Variants in ITPA observed in about 807,000 individuals in gnomAD.
ITPA encodes the protein inosine triphosphatase.
ITPA carries 29 observed loss-of-function variants against 29.6 expected under a neutral mutation model. The ratio of observed to expected loss-of-function variants is 0.98; its 90% confidence interval spans 0.73 to 1.34. The LOEUF (loss-of-function observed/expected upper bound fraction) is 1.34, where lower values mean the gene tolerates loss of function less well. Among genes scored for constraint, ITPA ranks in the 40% most tolerant of loss-of-function variants. The pLI is 0.00. For missense variants in ITPA, 241 were observed against 251.5 expected (o/e 0.96, Z 0.28); for synonymous variants, 103 against 99.3 (o/e 1.04, Z -0.22).
chr20:3,222,285 T>C (rs2067485279), intron 7 of ITPA, among the ~76,000 whole-genome samples: 1 of 150,726 alleles, frequency 6.6e-6, no homozygotes, highest in Non-Finnish European at 1.5e-5. Flanking sequence ...TGCAACGGCG[T>C]GATCTCAACT....
chr20:3,218,219 A>C (rs140945845), intron 5 of ITPA, among the ~76,000 whole-genome samples: 59 of 152,312 alleles, frequency 3.9e-4, no homozygotes, highest in Admixed American at 3.1e-3. Flanking sequence ...CGCCCGGCCT[A>C]CAGTTGGTTA....
At chr20:3,219,554 G>C (rs147049263) in intron 6 of ITPA, among the ~76,000 whole-genome samples, 18 of 151,844 alleles carry the variant, frequency 1.2e-4, no homozygotes. Flanking sequence ...AGAACAGCCT[G>C]GATAACACAG....
rs116706049 is a variant in ITPA, at chr20:3,214,515, C to T, written c.263+457C>T. ...CTGGGTAACTGGGACTACAGGTGTGCGTCACCACACCCAGCTAATTTTTTG... is the reference window on the plus strand; with the variant it reads ...CTGGGTAACTGGGACTACAGGTGTGTGTCACCACACCCAGCTAATTTTTTG... On this transcript the variant is annotated intron_variant, in intron 4 of 7. Coordinates refer to ENST00000380113, the MANE Select transcript of ITPA (RefSeq NM_033453.4). 3.6e-3 allele frequency among the ~76,000 whole-genome samples: 536 copies of T among 150,892 alleles called. 4 individuals carry two copies. Among genetic ancestry groups the T allele is most frequent in the African/African-American group, 0.012 (508 of 41,328 alleles).
chr20:3,226,689 A>G (rs1282760265), downstream of ITPA, among the ~76,000 whole-genome samples: 2 of 152,066 alleles, frequency 1.3e-5, no homozygotes, highest in Non-Finnish European at 2.9e-5. The surrounding 1 kb of genome is among the most constrained non-coding windows in gnomAD (Gnocchi z 4.4). Context: ...TCAGTTTTAG[A>G]TGCAGCCAAT....
At chr20:3,221,707 G>A (rs2067467456) in intron 6 of ITPA, 134 bp from the exon 7 acceptor site, 2 of 764,058 alleles carry the variant, frequency 2.6e-6, no homozygotes, top group Admixed American at 3.9e-5. Flanking sequence ...GTGCTGTAGG[G>A]GCCTTGCAAC....
intron 3 of ITPA, 87 bp from the exon 4 acceptor site, chr20:3,213,898 C>A: frequency 1.4e-6 from 2 of 1,381,862 alleles, no homozygotes; most frequent in Non-Finnish European, 2.1e-6. Context: ...TGAGGGCTGG[C>A]CCCAGCCTGG....
intron 4 of ITPA, among the ~76,000 whole-genome samples, chr20:3,214,882 A>G (rs537038649): frequency 1.3e-5 from 2 of 148,534 alleles, no homozygotes; most frequent in African/African-American, 5.0e-5. Context: ...CCCGGCCTGT[A>G]TTTATTTATT....
chr20:3,204,423 T>G, upstream of ITPA: 1 of 1,084,264 alleles, frequency 9.2e-7, no homozygotes, highest in Non-Finnish European at 1.3e-6. Context: ...CGGACGCGCA[T>G]GCGTCCCGCC....
At chr20:3,204,652 C>T (rs1293248192), upstream of ITPA, 5 of 1,559,172 alleles carry the variant, frequency 3.2e-6, no homozygotes, top group South Asian at 4.7e-5. Flanking sequence ...TGCAGAACCA[C>T]TGCGTCCACC....
At chr20:3,206,381 C>CA (rs1491309127), upstream of ITPA, among the ~76,000 whole-genome samples, 1 of 80,060 alleles carries the variant, frequency 1.2e-5, no homozygotes, top group Non-Finnish European at 2.2e-5. Flanking sequence ...GAGTGAGACT[C>CA]AGTCTCAAAA....
At chr20:3,214,105 A>C in intron 4 of ITPA, 47 bp downstream of exon 4, 1 of 1,531,814 alleles carries the variant, frequency 6.5e-7, no homozygotes, top group Non-Finnish European at 9.1e-7. Flanking sequence ...GCCCAAAACC[A>C]CCAGAACTGC....
At chr20:3,221,446 G>A (rs2122435389) in intron 6 of ITPA, among the ~76,000 whole-genome samples, 1 of 152,282 alleles carries the variant, frequency 6.6e-6, no homozygotes, top group African/African-American at 2.4e-5. Flanking sequence ...GCCGGCATCT[G>A]GCTTGTCCAC....
At position 3,218,584 on chromosome 20, in the gene ITPA, C is replaced by A. The variant is rs765934653; in HGVS notation, c.363C>A (p.Ser121Arg). Residue 121 changes from serine to arginine, a missense_variant, in exon 6 of 8, where the codon AGC becomes AGA. Ser to Arg is a moderately radical substitution (Grantham distance 110). Coordinates refer to ENST00000380113, the MANE Select transcript of ITPA (RefSeq NM_033453.4). ...SAYALCTFAL[S>R]TGDPSQPVRL... ...ATGCGCTCTGCACGTTTGCACTCAG[C>A]ACCGGGGACCCAAGCCAGCCCGTGC... 35 of 1,613,802 alleles carry A rather than the reference C, an allele frequency of 2.2e-5. No homozygotes were observed. In the Admixed American group the frequency reaches 5.8e-4, roughly 27 times the overall value.
At chr20:3,219,360 G>C (rs976345976) in intron 6 of ITPA, among the ~76,000 whole-genome samples, 6 of 151,690 alleles carry the variant, frequency 4.0e-5, no homozygotes. Flanking sequence ...TGTAATCCTA[G>C]CACTTTGCGA....
chr20:3,218,823 G>C, intron 6 of ITPA, 191 bp downstream of exon 6: 1 of 646,044 alleles, frequency 1.5e-6, no homozygotes, highest in Non-Finnish European at 2.8e-6. Flanking sequence ...GTGGTGGAAA[G>C]GGTTCCCTGG....
downstream of ITPA, among the ~76,000 whole-genome samples, chr20:3,226,254 G>GTTGAA (rs923353858): frequency 2.6e-5 from 4 of 152,128 alleles, no homozygotes; most frequent in East Asian, 1.9e-4. The surrounding 1 kb of genome is among the most constrained non-coding windows in gnomAD (Gnocchi z 4.4). Context: ...CAGCAGTTAG[G>GTTGAA]TTGAATTGAA....
intron 4 of ITPA, among the ~76,000 whole-genome samples, chr20:3,215,055 T>C (rs971997272): frequency 5.9e-5 from 9 of 151,892 alleles, no homozygotes; most frequent in African/African-American, 1.9e-4. Flanking sequence ...TTTGTAGAGA[T>C]AGGATTTTGC....
chr20:3,216,522 C>T (rs1411069255), intron 5 of ITPA, among the ~76,000 whole-genome samples: 8 of 149,100 alleles, frequency 5.4e-5, no homozygotes, highest in Non-Finnish European at 1.0e-4. Flanking sequence ...GGCACGATCT[C>T]GGCTCACTAC....
chr20:3,204,450 CGCA>C, upstream of ITPA: 2 of 1,385,222 alleles, frequency 1.4e-6, no homozygotes, highest in Non-Finnish European at 2.0e-6. Context: ...GGTGCGCACG[CGCA>C]GGAGCCGCGG....
Sources: allele counts gnomAD v4.1 joint callset (sites outside exome capture counted in the v4.1 genomes callset), GRCh38; gene constraint gnomAD v4.1.1; non-coding constraint Gnocchi (gnomAD v3.1); transcripts MANE v1.5; gene names NCBI Gene and HGNC (gene_info 2026-07-23, HGNC 2026-07-21).